The following CCDC170 variants were observed in gnomAD, a reference collection of about 807,000 sequenced individuals.
The protein encoded by CCDC170 is coiled-coil domain-containing protein 170.
CCDC170 carries 69 observed loss-of-function variants against 72.6 expected under a neutral mutation model. The observed-to-expected ratio is 0.95, with a 90% CI of 0.78 to 1.16. The LOEUF is 1.16. CCDC170 is among the 50% of genes most tolerant of loss of function. The probability of loss-of-function intolerance (pLI) is 0.00; values close to 1 mark genes in which losing one functional copy is unlikely to be tolerated. For missense variants in CCDC170, 852 were observed against 832.5 expected (o/e 1.02, Z -0.29); for synonymous variants, 300 against 303.9 (o/e 0.99, Z 0.13).
At chr6:151,503,868 GGT>G (rs1782028377) in intron 1 of CCDC170, among the ~76,000 whole-genome samples, 1 of 152,116 alleles carries the variant, frequency 6.6e-6, no homozygotes, top group Admixed American at 6.6e-5. Context: ...TTGGATAAGA[GGT>G]GTGTTTTTCT....
intron 8 of CCDC170, among the ~76,000 whole-genome samples, chr6:151,595,033 TG>T (rs1407727536): frequency 6.6e-6 from 1 of 152,208 alleles, no homozygotes; most frequent in African/African-American, 2.4e-5. Flanking sequence ...AAAAATGATC[TG>T]GGTATGGACA....
intron 5 of CCDC170, among the ~76,000 whole-genome samples, chr6:151,551,617 A>G (rs958547298): frequency 6.6e-6 from 1 of 152,122 alleles, no homozygotes; most frequent in Non-Finnish European, 1.5e-5. Context: ...AGGGAGAGGG[A>G]AGTCAGCTAC....
intron 5 of CCDC170, among the ~76,000 whole-genome samples, chr6:151,554,501 G>A (rs565445348): frequency 2.0e-5 from 3 of 152,288 alleles, no homozygotes; most frequent in East Asian, 3.9e-4. Flanking sequence ...AAGGCAAGCG[G>A]ATAACTTGAG....
At chr6:151,557,368 C>T (rs901359770) in intron 5 of CCDC170, among the ~76,000 whole-genome samples, 1 of 151,026 alleles carries the variant, frequency 6.6e-6, no homozygotes, top group African/African-American at 2.4e-5. Flanking sequence ...GAGATCACGC[C>T]ACTGCACTGC....
At position 151,598,394 on chromosome 6, in the gene CCDC170, C is replaced by T. The variant is rs568279098; in HGVS notation, c.1710+1817C>T. Among the ~76,000 whole-genome samples the T allele has an allele frequency of 1.6e-4, 24 of 152,196 alleles. No individual in the cohort carries two copies. In the East Asian group the frequency reaches 3.1e-3, roughly 20 times the overall value. On this transcript the variant is annotated intron_variant, in intron 9 of 10. Transcript: ENST00000239374. ...TGAGGGATATGGATGACAGCTGAAA[C>T]GCAAGCTGGAGAGCTCATTACAGGA...
intron 5 of CCDC170, among the ~76,000 whole-genome samples, chr6:151,549,955 A>C (rs1448047945): frequency 6.6e-6 from 1 of 151,992 alleles, no homozygotes; most frequent in Non-Finnish European, 1.5e-5. Context: ...GACAAAATCC[A>C]AGAAGTAGAC....
intron 7 of CCDC170, among the ~76,000 whole-genome samples, chr6:151,590,974 G>A (rs1776525937): frequency 6.6e-6 from 1 of 152,198 alleles, no homozygotes; most frequent in Admixed American, 6.5e-5. Flanking sequence ...ATAACCTGAG[G>A]ATGTAGAGAC....
intron 10 of CCDC170, among the ~76,000 whole-genome samples, chr6:151,616,721 A>C (rs1179705819): frequency 6.6e-6 from 1 of 152,170 alleles, no homozygotes; most frequent in Non-Finnish European, 1.5e-5. Flanking sequence ...TCTTTCTCAC[A>C]GTTCTGGAGG....
chr6:151,500,089 C>T lies in CCDC170; in HGVS notation c.57+5904C>T, dbSNP rs551730248. Among the ~76,000 whole-genome samples the T allele has an allele frequency of 3.9e-5, 6 of 152,318 alleles. No individual in the cohort carries two copies. The South Asian group carries it at 1.2e-3, about 32-fold the overall frequency. On this transcript the variant is annotated intron_variant, in intron 1 of 10. Transcript: ENST00000239374. Reference sequence around the variant, plus strand: ...GTGCACAAAGGTTTTCATTTCTCCACATCCTCACCCCCACTTGTTATTTTC... The same window carrying T: ...GTGCACAAAGGTTTTCATTTCTCCATATCCTCACCCCCACTTGTTATTTTC...
chr6:151,530,657 G>A (rs1782480371), intron 1 of CCDC170, among the ~76,000 whole-genome samples: 1 of 151,994 alleles, frequency 6.6e-6, no homozygotes. Flanking sequence ...GGTCAGGCTG[G>A]TCTTGAACTC....
intron 6 of CCDC170, among the ~76,000 whole-genome samples, chr6:151,580,687 A>T (rs879564588): frequency 6.6e-6 from 1 of 152,192 alleles, no homozygotes; most frequent in African/African-American, 2.4e-5. Context: ...CACACACAGA[A>T]GTGTTAAATT....
intron 4 of CCDC170, among the ~76,000 whole-genome samples, chr6:151,544,974 CAT>C (rs757773641): frequency 6.6e-6 from 1 of 152,124 alleles, no homozygotes; most frequent in Non-Finnish European, 1.5e-5. Context: ...TTTAGGTTGT[CAT>C]ATAGAGTTAA....
intron 4 of CCDC170, among the ~76,000 whole-genome samples, chr6:151,547,049 C>T (rs1254512513): frequency 1.3e-5 from 2 of 151,704 alleles, no homozygotes; most frequent in Non-Finnish European, 2.9e-5. Context: ...TTGACCAAGA[C>T]TTCAGCCTCA....
At chr6:151,525,511 AT>A (rs1782390740) in intron 1 of CCDC170, among the ~76,000 whole-genome samples, 2 of 152,116 alleles carry the variant, frequency 1.3e-5, no homozygotes, top group South Asian at 4.1e-4. Context: ...ACTTTGTGAT[AT>A]TTCCCCACCC....
At position 151,587,323 on chromosome 6, in the gene CCDC170, G is replaced by A. The variant is rs530183507; in HGVS notation, c.1293+1234G>A. 2.0e-5 allele frequency among the ~76,000 whole-genome samples: 3 copies of A among 152,238 alleles called. No homozygotes were observed. In the South Asian group the frequency reaches 6.2e-4, roughly 32 times the overall value. On this transcript the variant is annotated intron_variant, in intron 7 of 10. Coordinates refer to ENST00000239374, the MANE Select transcript of CCDC170 (RefSeq NM_025059.4). ...TTTGTGCTGAGGGGATCCTTGAGAGGAAGGGGAGCGACCTTCTAGTAGACC... is the reference window on the plus strand; with the variant it reads ...TTTGTGCTGAGGGGATCCTTGAGAGAAAGGGGAGCGACCTTCTAGTAGACC...
At chr6:151,604,031 G>C (rs1404487700) in intron 9 of CCDC170, among the ~76,000 whole-genome samples, 1 of 152,254 alleles carries the variant, frequency 6.6e-6, no homozygotes, top group East Asian at 1.9e-4. Context: ...CCTTAGTAAG[G>C]AGCTATGGCC....
Position 151,618,439 on chromosome 6 carries a change from T to C in CCDC170, c.*292T>C, listed in dbSNP as rs1423011203. 1 of 371,748 alleles carries C rather than the reference T, an allele frequency of 2.7e-6. No individual in the cohort carries two copies. The highest frequency in any genetic ancestry group is 4.9e-6 in the Non-Finnish European group (1 of 203,870). The allele number at this position is 371,748 out of a possible 1,614,324, so 23.0% of individuals were successfully genotyped here. On this transcript the variant is annotated 3_prime_UTR_variant, in exon 11 of 11. Transcript: ENST00000239374. ...GTGGGAGATAATATTGGGAGGTATC[T>C]ATTTTAAGTCAGGGGCTTTACTAGC...
intron 1 of CCDC170, among the ~76,000 whole-genome samples, chr6:151,509,873 C>T (rs1232600325): frequency 1.3e-5 from 2 of 152,096 alleles, no homozygotes; most frequent in African/African-American, 4.8e-5. Context: ...GCCTGTAATC[C>T]CAGCACTTTG....
chr6:151,618,144 T>A lies in CCDC170; in HGVS notation c.2145T>A (p.His715Gln). The change falls in exon 11 of 11, where the codon CAT becomes CAA. Residue 715 changes from histidine to glutamine, a missense_variant. Transcript: ENST00000239374. ...RHPQGHLQLL[H>Q] ...CACAAGGCCATTTACAGCTTCTTCA[T>A]TGAACACTGTATCTCTTGAGAGAGG... is the stretch of plus-strand genomic sequence containing the variant. 1 of 1,613,628 alleles carries A rather than the reference T, an allele frequency of 6.2e-7. No homozygotes were observed. The highest frequency in any genetic ancestry group is 8.5e-7 in the Non-Finnish European group (1 of 1,179,694).
Sources: allele counts gnomAD v4.1 joint callset (sites outside exome capture counted in the v4.1 genomes callset), GRCh38; gene constraint gnomAD v4.1.1; transcripts MANE v1.5; gene names NCBI Gene and HGNC (gene_info 2026-07-23, HGNC 2026-07-21).